The following MAGI2 variants were observed in gnomAD, a reference collection of about 807,000 sequenced individuals.
The protein encoded by MAGI2 is membrane-associated guanylate kinase, WW and PDZ domain-containing protein 2.
MAGI2 carries 35 observed loss-of-function variants against 133.3 expected under a neutral mutation model. The observed-to-expected ratio is 0.26, with a 90% CI of 0.20 to 0.35. MAGI2 has a LOEUF of 0.35. MAGI2 is among the 10% of genes least tolerant of loss of function. The pLI, the probability that MAGI2 is intolerant of heterozygous loss-of-function variation, is 1.00. For missense variants in MAGI2, 1,636 were observed against 1,863.4 expected, an observed-to-expected ratio of 0.88 and a Z score of 2.25; for synonymous variants, 729 against 710.6, an observed-to-expected ratio of 1.03 and a Z score of -0.41.
rs1491531434 is a variant in MAGI2 at position 79,376,839 on chromosome 7, TGG to T, written c.301+76179_301+76180del. On this transcript the variant is annotated intron_variant, in intron 1 of 21. Transcript: ENST00000354212. ...ATTTGTGTGTGTGTGTGTGTGTGTG[TGG>T]GTGTATGGCGTGTGTATTCAACACA... is the stretch of plus-strand genomic sequence containing the variant. 8.4e-3 allele frequency among the ~76,000 whole-genome samples: 1,210 copies of T among 144,426 alleles called. 15 individuals are homozygous for T. Among genetic ancestry groups the T allele is most frequent in the African/African-American group, 0.029 (1,029 of 35,194 alleles). 94.7% of individuals were successfully genotyped at this position (144,426 alleles called of 152,430 possible).
chr7:78,372,085 T>C (rs1023716049), intron 6 of MAGI2, among the ~76,000 whole-genome samples: 1 of 152,152 alleles, frequency 6.6e-6, no homozygotes, highest in Non-Finnish European at 1.5e-5. Flanking sequence ...TATATATGCA[T>C]GTGTACCTGT....
intron 1 of MAGI2, among the ~76,000 whole-genome samples, chr7:79,173,220 T>G (rs1371652207): frequency 6.6e-6 from 1 of 152,086 alleles, no homozygotes; most frequent in Admixed American, 6.6e-5. Context: ...ATGAGGTCTT[T>G]CTTAAGAAAC....
intron 1 of MAGI2, among the ~76,000 whole-genome samples, chr7:79,278,975 C>A (rs988453130): frequency 6.6e-6 from 1 of 152,066 alleles, no homozygotes; most frequent in Non-Finnish European, 1.5e-5. Flanking sequence ...ATTGAGCAGA[C>A]ACTCAGAGAA....
At chr7:79,206,911 T>G (rs1829105599) in intron 1 of MAGI2, among the ~76,000 whole-genome samples, 1 of 151,800 alleles carries the variant, frequency 6.6e-6, no homozygotes, top group Admixed American at 6.6e-5. Context: ...GATGGCTAAA[T>G]TACGTATATC....
intron 9 of MAGI2, among the ~76,000 whole-genome samples, chr7:78,332,067 C>T (rs1198705886): frequency 6.6e-6 from 1 of 152,126 alleles, no homozygotes; most frequent in Non-Finnish European, 1.5e-5. Flanking sequence ...TAAAATGATA[C>T]TAAAGTTCTT....
intron 1 of MAGI2, among the ~76,000 whole-genome samples, chr7:79,359,904 T>G (rs1272955358): frequency 2.6e-5 from 4 of 152,202 alleles, no homozygotes; most frequent in Non-Finnish European, 4.4e-5. Flanking sequence ...TCATTTAATT[T>G]TATATAAACA....
chr7:78,946,276 A>G (rs1349477112), intron 2 of MAGI2, among the ~76,000 whole-genome samples: 2 of 152,150 alleles, frequency 1.3e-5, no homozygotes, highest in East Asian at 3.9e-4. Context: ...AACTAAATAT[A>G]CTTCTTTCTT....
intron 1 of MAGI2, among the ~76,000 whole-genome samples, chr7:79,156,127 C>A (rs1473558860): frequency 6.6e-6 from 1 of 152,000 alleles, no homozygotes; most frequent in Non-Finnish European, 1.5e-5. Context: ...GGGATTCATG[C>A]CCTACAAAAT....
intron 1 of MAGI2, among the ~76,000 whole-genome samples, chr7:79,440,487 A>T (rs1421312831): frequency 6.6e-6 from 1 of 152,110 alleles, no homozygotes; most frequent in Non-Finnish European, 1.5e-5. Context: ...AGCAAAATTC[A>T]GTGAGGTAAT....
intron 2 of MAGI2, among the ~76,000 whole-genome samples, chr7:78,932,979 T>C (rs1800248450): frequency 6.6e-6 from 1 of 152,112 alleles, no homozygotes; most frequent in Non-Finnish European, 1.5e-5. Context: ...ACGCTAAGTG[T>C]AAATTTGTTG....
chr7:78,396,646 T>C (rs936130528), intron 6 of MAGI2, among the ~76,000 whole-genome samples: 4 of 152,206 alleles, frequency 2.6e-5, no homozygotes, highest in Admixed American at 1.3e-4. Context: ...TATTTTCTGG[T>C]TTTCTCATTC....
At chr7:78,518,663 TATTA>T (rs1360311330) in intron 4 of MAGI2, 1 of 152,340 alleles carries the variant, frequency 6.6e-6, no homozygotes, top group Non-Finnish European at 1.5e-5. Flanking sequence ...TGAAGTTTGA[TATTA>T]ATTATTACTA....
At chr7:78,441,225 A>C (rs140679297) in intron 6 of MAGI2, among the ~76,000 whole-genome samples, 1,609 of 152,282 alleles carry the variant, frequency 0.011, 23 homozygotes, top group African/African-American at 0.035. Context: ...GCTCCACCAA[A>C]TTGGATTACA....
At chr7:78,797,761 C>G (rs933041106) in intron 2 of MAGI2, among the ~76,000 whole-genome samples, 2 of 152,106 alleles carry the variant, frequency 1.3e-5, no homozygotes, top group African/African-American at 4.8e-5. Context: ...AACTGCCAAG[C>G]CCAATGGATT....
chr7:78,572,451 C>T (rs974186823), intron 3 of MAGI2, among the ~76,000 whole-genome samples: 2 of 152,108 alleles, frequency 1.3e-5, no homozygotes, highest in Non-Finnish European at 2.9e-5. Context: ...TGGCGGCCCT[C>T]AGGGAACCAT....
intron 1 of MAGI2, among the ~76,000 whole-genome samples, chr7:79,099,388 T>C (rs1390359262): frequency 1.3e-5 from 2 of 152,240 alleles, no homozygotes; most frequent in Non-Finnish European, 2.9e-5. Flanking sequence ...TTCATTAGTC[T>C]AGAAGTAATA....
intron 1 of MAGI2, among the ~76,000 whole-genome samples, chr7:79,109,243 G>A (rs1818708058): frequency 1.3e-5 from 2 of 152,172 alleles, no homozygotes; most frequent in Non-Finnish European, 2.9e-5. Flanking sequence ...AGGAAGATGA[G>A]GGAAGCCTTG....
At chr7:79,311,801 A>G (rs1055092765) in intron 1 of MAGI2, among the ~76,000 whole-genome samples, 5 of 152,202 alleles carry the variant, frequency 3.3e-5, no homozygotes, top group Non-Finnish European at 5.9e-5. Flanking sequence ...ACACTTACAG[A>G]GCCTTTCCCA....
At chr7:78,815,499 C>A (rs766729371) in intron 2 of MAGI2, among the ~76,000 whole-genome samples, 9 of 151,866 alleles carry the variant, frequency 5.9e-5, no homozygotes, top group Non-Finnish European at 1.3e-4. Context: ...TTGCACTTTG[C>A]TTATTGTACT....
Sources: allele counts gnomAD v4.1 joint callset (sites outside exome capture counted in the v4.1 genomes callset), GRCh38; gene constraint gnomAD v4.1.1; transcripts MANE v1.5; gene names NCBI Gene and HGNC (gene_info 2026-07-23, HGNC 2026-07-21).